The following PGM5 variants were observed in gnomAD, a reference collection of about 807,000 sequenced individuals.
PGM5 encodes phosphoglucomutase-like protein 5.
PGM5 carries 23 observed loss-of-function variants against 59.2 expected under a neutral mutation model. The observed-to-expected ratio is 0.39, with a 90% CI of 0.28 to 0.55. The LOEUF (loss-of-function observed/expected upper bound fraction) is 0.55. Ranked by LOEUF, PGM5 falls within the 20% of genes least tolerant of loss-of-function variation. The pLI, the probability that PGM5 is intolerant of heterozygous loss-of-function variation, is 0.66. For missense variants in PGM5, 574 were observed against 748.3 expected (o/e 0.77, Z 2.72); for synonymous variants, 214 against 286.0 (o/e 0.75, Z 2.54).
intron 1 of PGM5, among the ~76,000 whole-genome samples, chr9:68,377,561 T>C (rs1316186046): frequency 5.9e-5 from 9 of 152,206 alleles, no homozygotes; most frequent in African/African-American, 2.2e-4. Context: ...GTCAGTTTTG[T>C]AGCTCTGGAA....
chr9:68,495,229 A>C (rs1480155689), intron 9 of PGM5, among the ~76,000 whole-genome samples: 1 of 152,220 alleles, frequency 6.6e-6, no homozygotes, highest in African/African-American at 2.4e-5. Flanking sequence ...CGGCAAAAAC[A>C]CACATAATGA....
At chr9:68,477,805 A>G (rs1274344025) in intron 7 of PGM5, among the ~76,000 whole-genome samples, 1 of 152,178 alleles carries the variant, frequency 6.6e-6, no homozygotes, top group East Asian at 1.9e-4. Context: ...CAGTAACCCC[A>G]TGGGGTAGGG....
chr9:68,461,558 G>GGCC (rs2132076974), intron 6 of PGM5, among the ~76,000 whole-genome samples: 1 of 152,242 alleles, frequency 6.6e-6, no homozygotes, highest in East Asian at 1.9e-4. Flanking sequence ...CCTTTAAGAG[G>GGCC]TGTTCAGGCC....
At chr9:68,407,992 A>G (rs1162381284) in intron 6 of PGM5, among the ~76,000 whole-genome samples, 15 of 152,212 alleles carry the variant, frequency 9.9e-5, no homozygotes, top group Admixed American at 9.2e-4. Context: ...TGCTTTCATA[A>G]TGACTTCAGA....
chr9:68,504,962 C>T (rs1056407745), intron 10 of PGM5, among the ~76,000 whole-genome samples: 5 of 152,186 alleles, frequency 3.3e-5, no homozygotes, highest in South Asian at 2.1e-4. Context: ...CATCAGGTTT[C>T]CTCCTATGAC....
chr9:68,408,962 T>C (rs1167006317), intron 6 of PGM5, among the ~76,000 whole-genome samples: 1 of 152,186 alleles, frequency 6.6e-6, no homozygotes, highest in Non-Finnish European at 1.5e-5. Flanking sequence ...AGTACCATGC[T>C]GTTTTGGTTA....
chr9:68,444,091 A>C (rs1823573805), intron 6 of PGM5, among the ~76,000 whole-genome samples: 1 of 141,274 alleles, frequency 7.1e-6, no homozygotes, highest in Non-Finnish European at 1.5e-5. Context: ...ATCACTTTGC[A>C]GTTGTGAGTT....
intron 6 of PGM5, among the ~76,000 whole-genome samples, chr9:68,456,313 TG>T (rs1404721634): frequency 8.3e-5 from 12 of 144,264 alleles, no homozygotes; most frequent in Middle Eastern, 3.6e-3. Context: ...TTTTTGGGGG[TG>T]GGGGGGTGGC....
chr9:68,406,941 G>T (rs1191230677), intron 6 of PGM5, among the ~76,000 whole-genome samples: 1 of 151,430 alleles, frequency 6.6e-6, no homozygotes, highest in Admixed American at 6.6e-5. Flanking sequence ...AGGCAGGGGT[G>T]CTTTCTTGCT....
chr9:68,381,313 A>T, intron 2 of PGM5, among the ~76,000 whole-genome samples: 1 of 133,774 alleles, frequency 7.5e-6, no homozygotes, highest in South Asian at 2.2e-4. Context: ...GGCATTTTAG[A>T]AAGTTCAGCA....
chr9:68,517,603 T>G (rs531056798), intron 10 of PGM5, among the ~76,000 whole-genome samples: 1 of 152,350 alleles, frequency 6.6e-6, no homozygotes, highest in East Asian at 1.9e-4. Context: ...CTGTCTTTAA[T>G]TATTGCATTG....
intron 6 of PGM5, among the ~76,000 whole-genome samples, chr9:68,423,398 T>A (rs1823175642): frequency 6.6e-6 from 1 of 152,212 alleles, no homozygotes; most frequent in Admixed American, 6.5e-5. Flanking sequence ...TATATTTTTT[T>A]ATTTTTGGAT....
At position 68,447,304 on chromosome 9, in the gene PGM5, C is replaced by T. The variant is rs183781226; in HGVS notation, c.1044-17789C>T. 7.2e-5 allele frequency among the ~76,000 whole-genome samples: 11 copies of T among 152,312 alleles called. No homozygotes were observed. In the East Asian group the frequency reaches 1.7e-3, roughly 24 times the overall value. On this transcript the variant is annotated intron_variant, in intron 6 of 10. Transcript: ENST00000396396. Reference sequence around the variant, plus strand: ...ACATCCTGACATTACTTGTACTTGCCTCCCTGTTGTGAATTATAATGATGG... The same window carrying T: ...ACATCCTGACATTACTTGTACTTGCTTCCCTGTTGTGAATTATAATGATGG...
chr9:68,414,204 C>A (rs1432587828), intron 6 of PGM5, among the ~76,000 whole-genome samples: 3 of 152,154 alleles, frequency 2.0e-5, no homozygotes, highest in African/African-American at 7.2e-5. Flanking sequence ...GATGCTGGCA[C>A]CAGGCTTCCC....
chr9:68,500,059 C>G (rs1168787356), intron 10 of PGM5, among the ~76,000 whole-genome samples: 6 of 152,170 alleles, frequency 3.9e-5, no homozygotes, highest in African/African-American at 1.4e-4. Context: ...CTGGCTGCTC[C>G]TGTCTTCTTG....
chr9:68,398,328 G>C (rs1176964869), intron 6 of PGM5: 1 of 151,950 alleles, frequency 6.6e-6, no homozygotes, highest in Non-Finnish European at 1.5e-5. Context: ...GAAAGAGATG[G>C]CACCCTCAAA....
At chr9:68,393,246 T>C (rs1483678037) in intron 6 of PGM5, among the ~76,000 whole-genome samples, 1 of 151,962 alleles carries the variant, frequency 6.6e-6, no homozygotes, top group African/African-American at 2.4e-5. Context: ...TACCTTGGGT[T>C]ACCTATGTTA....
intron 10 of PGM5, 128 bp from the exon 11 acceptor site, chr9:68,529,439 G>C: frequency 1.4e-6 from 1 of 690,066 alleles, no homozygotes; most frequent in Non-Finnish European, 2.5e-6. Context: ...CAAATGTCCT[G>C]CTCATGAAGA....
intron 8 of PGM5, among the ~76,000 whole-genome samples, chr9:68,480,572 G>T (rs1278524159): frequency 6.6e-6 from 1 of 152,074 alleles, no homozygotes; most frequent in Non-Finnish European, 1.5e-5. Context: ...GGGTTTGGTG[G>T]TGCACACCTG....
Sources: gnomAD v4.1 joint callset for allele counts (sites outside exome capture counted in the v4.1 genomes callset) on GRCh38, gnomAD v4.1.1 for gene constraint, MANE v1.5 for transcripts, NCBI Gene and HGNC (gene_info 2026-07-23, HGNC 2026-07-21) for gene names.